TENM3: variants seen among roughly 807,000 people sequenced by gnomAD.
TENM3 encodes teneurin-3.
A neutral mutation model predicts 255.1 loss-of-function variants in TENM3; 63 were observed. That is an observed-to-expected ratio of 0.25 (90% CI 0.20 to 0.30). The LOEUF is 0.30. Ranked by LOEUF, TENM3 falls within the 10% of genes least tolerant of loss-of-function variation. The pLI is 1.00. For missense variants in TENM3, 2,929 were observed against 3,461.1 expected (o/e 0.85, Z 3.86); for synonymous variants, 1,306 against 1,322.3 (o/e 0.99, Z 0.27).
intron 3 of TENM3, among the ~76,000 whole-genome samples, chr4:182,523,947 T>G (rs1169454946): frequency 6.6e-6 from 1 of 152,184 alleles, no homozygotes; most frequent in Non-Finnish European, 1.5e-5. Flanking sequence ...CTCATATGTA[T>G]CATAACATAC....
At chr4:182,216,182 A>C (rs1755452930) in intron 1 of TENM3, among the ~76,000 whole-genome samples, 2 of 152,256 alleles carry the variant, frequency 1.3e-5, no homozygotes, top group African/African-American at 4.8e-5. Context: ...CACAGGCCTC[A>C]GAATGTGTGG....
the TENM3 span, among the ~76,000 whole-genome samples, chr4:182,041,951 T>C: frequency 2.0e-4 from 31 of 152,370 alleles, no homozygotes; most frequent in Admixed American, 1.2e-3. Flanking sequence ...TACAGGCTTT[T>C]CTTTTTCTGG....
At chr4:181,607,704 T>G in the TENM3 span, among the ~76,000 whole-genome samples, 238 of 152,222 alleles carry the variant, frequency 1.6e-3, 1 homozygote, top group African/African-American at 5.6e-3. Flanking sequence ...TGCCTGGCCA[T>G]CATTTAAATT....
At chr4:182,265,377 G>C (rs1055570781) in intron 1 of TENM3, among the ~76,000 whole-genome samples, 1 of 152,152 alleles carries the variant, frequency 6.6e-6, no homozygotes, top group African/African-American at 2.4e-5. Flanking sequence ...CGCTGGAGAT[G>C]AGACTCCCAT....
chr4:182,757,311 CAAAAAAAAAAAAAAA>C (rs10571604), intron 22 of TENM3, among the ~76,000 whole-genome samples: 1,689 of 53,700 alleles, frequency 0.031, 49 homozygotes, highest in Middle Eastern at 0.064. Flanking sequence ...GACTCCGTCT[CAAAAAAAAAAAAAAA>C]AAAAAAAAAA....
At chr4:182,149,011 C>T (rs535074229) in intron 1 of TENM3, among the ~76,000 whole-genome samples, 20 of 151,652 alleles carry the variant, frequency 1.3e-4, no homozygotes, top group Middle Eastern at 6.3e-3. Flanking sequence ...AACGTATATC[C>T]GTAGTATATA....
chr4:181,915,848 T>G, the TENM3 span, among the ~76,000 whole-genome samples: 1 of 152,038 alleles, frequency 6.6e-6, no homozygotes, highest in East Asian at 1.9e-4. Flanking sequence ...CGTGTACAAT[T>G]TTGAGTTACA....
At chr4:181,721,574 TGG>T in the TENM3 span, among the ~76,000 whole-genome samples, 2 of 28,798 alleles carry the variant, frequency 6.9e-5, no homozygotes, top group African/African-American at 2.0e-4. Flanking sequence ...CACTCCAGCC[TGG>T]GCGACAGAGC....
At chr4:181,488,156 T>C in the TENM3 span, among the ~76,000 whole-genome samples, 2 of 152,218 alleles carry the variant, frequency 1.3e-5, no homozygotes, top group African/African-American at 4.8e-5. Flanking sequence ...CTCTGAGATC[T>C]GTTTCCCTGA....
At chr4:182,614,984 C>T (rs1749336741) in intron 4 of TENM3, among the ~76,000 whole-genome samples, 2 of 146,644 alleles carry the variant, frequency 1.4e-5, no homozygotes, top group Admixed American at 1.4e-4. Flanking sequence ...CTACTTTGTC[C>T]TCAGCAGTTT....
At chr4:182,524,963 G>A (rs1182156979) in intron 3 of TENM3, among the ~76,000 whole-genome samples, 1 of 152,124 alleles carries the variant, frequency 6.6e-6, no homozygotes, top group Non-Finnish European at 1.5e-5. Context: ...CCAAGAAGTG[G>A]AAGTTGCAGG....
At chr4:182,696,710 C>T (rs1213944147) in intron 12 of TENM3, among the ~76,000 whole-genome samples, 5 of 150,786 alleles carry the variant, frequency 3.3e-5, no homozygotes, top group East Asian at 2.0e-4. Flanking sequence ...GGTGACAGAG[C>T]GAGACTTCAT....
the TENM3 span, among the ~76,000 whole-genome samples, chr4:181,744,452 A>G: frequency 1.3e-5 from 2 of 152,202 alleles, no homozygotes; most frequent in African/African-American, 4.8e-5. Context: ...CCAACAGTGT[A>G]AAAGCATTCC....
In TENM3 at chr4:182,564,552, G is replaced by A. The variant is rs529485713; in HGVS notation, c.512-36372G>A. The stretch of plus-strand genomic sequence containing the variant: ...TCCCAATTCCTTTCTTGGTGTTTTC[G>A]TTTGTTTTTTTGTTTTTGTTTTTGT... On this transcript the variant is annotated intron_variant, in intron 3 of 27. Coordinates refer to ENST00000511685, the MANE Select transcript of TENM3 (RefSeq NM_001080477.4). Among the ~76,000 whole-genome samples the A allele has an allele frequency of 8.1e-5, 12 of 147,262 alleles. No individual in the cohort carries two copies. In the East Asian group the frequency reaches 1.6e-3, roughly 20 times the overall value.
chr4:182,753,602 C>G lies in TENM3; in HGVS notation c.4015C>G (p.Gln1339Glu). 6.2e-7 allele frequency: 1 copy of G among 1,613,490 alleles called. No individual in the cohort carries two copies. The highest frequency in any genetic ancestry group is 1.7e-5 in the Admixed American group (1 of 59,966). The change falls in exon 21 of 28, where the codon CAG (glutamine) becomes GAG (glutamate). Residue 1339 changes from glutamine (Q) to glutamate (E), a missense_variant and splice_region_variant. Gln to Glu is a conservative substitution (Grantham distance 29). Coordinates refer to ENST00000511685, the MANE Select transcript of TENM3 (RefSeq NM_001080477.4). Reference sequence around the variant, plus strand: ...TTGTGACACCAGCATGCACATCAGCCAGGTAGTTAAATACTAAGCGGACTT... The same window carrying G: ...TTGTGACACCAGCATGCACATCAGCGAGGTAGTTAAATACTAAGCGGACTT... ...LTCDTSMHISQVRLEWPTDLA... is the reference protein window; with the variant it reads ...LTCDTSMHISEVRLEWPTDLA...
intron 1 of TENM3, among the ~76,000 whole-genome samples, chr4:182,268,612 A>T (rs1188891248): frequency 1.3e-5 from 2 of 152,136 alleles, no homozygotes; most frequent in Non-Finnish European, 2.9e-5. Context: ...GAAAATACAG[A>T]TCATAAAGAC....
At chr4:182,045,955 G>A in the TENM3 span, among the ~76,000 whole-genome samples, 1 of 152,092 alleles carries the variant, frequency 6.6e-6, no homozygotes, top group Non-Finnish European at 1.5e-5. Context: ...GGCCAGGATG[G>A]GAGGATCACT....
chr4:181,602,774 C>T, the TENM3 span, among the ~76,000 whole-genome samples: 1 of 152,214 alleles, frequency 6.6e-6, no homozygotes, highest in African/African-American at 2.4e-5. Context: ...TAAGAGCTTT[C>T]TCTCAGCCCA....
chr4:181,855,190 G>A, the TENM3 span, among the ~76,000 whole-genome samples: 1 of 152,186 alleles, frequency 6.6e-6, no homozygotes, highest in South Asian at 2.1e-4. Flanking sequence ...CATTTAACTT[G>A]TTATTGTGTT....
Sources: allele counts gnomAD v4.1 joint callset (sites outside exome capture counted in the v4.1 genomes callset), GRCh38; gene constraint gnomAD v4.1.1; transcripts MANE v1.5; gene names NCBI Gene and HGNC (gene_info 2026-07-23, HGNC 2026-07-21).